Variants in TNRC6C observed in about 807,000 individuals in gnomAD.
TNRC6C encodes trinucleotide repeat containing adaptor 6C.
Under a neutral mutation model 153.7 loss-of-function variants are expected in TNRC6C, and 20 were observed. The ratio of observed to expected loss-of-function variants is 0.13; its 90% CI spans 0.09 to 0.19. The LOEUF (loss-of-function observed/expected upper bound fraction) is 0.19, where lower values mean the gene tolerates loss of function less well. Ranked by LOEUF, TNRC6C falls within the 10% of genes least tolerant of loss-of-function variation. The pLI is 1.00. For synonymous variants in TNRC6C, 811 were observed against 841.4 expected (o/e 0.96, Z 0.63); for missense variants, 1,987 against 2,172.0 (o/e 0.91, Z 1.69).
intron 16 of TNRC6C, among the ~76,000 whole-genome samples, chr17:78,096,145 AG>A (rs1446070659): frequency 1.3e-5 from 2 of 152,216 alleles, no homozygotes; most frequent in African/African-American, 4.8e-5. Flanking sequence ...GACCTTCTTG[AG>A]GGAATTAACA....
At chr17:78,077,306 G>A (rs2073102464) in exon 9 of TNRC6C, 3 of 1,579,728 alleles carry the variant, frequency 1.9e-6, no homozygotes, top group Non-Finnish European at 2.6e-6. Flanking sequence ...TCCGGGCTGG[G>A]CATGCAAAAC....
At position 78,079,604 on chromosome 17, in the gene TNRC6C, C is replaced by T. The variant is rs1334723719; in HGVS notation, c.3357+63C>T. On this transcript the variant is annotated intron_variant, in intron 10 of 19. Transcript: ENST00000301624. This position sits in a 1 kb window ranked among gnomAD's most constrained non-coding sequence, Gnocchi z 4.3. ...ATAGATGCCAGTGTTTCGTGGGGTC[C>T]TGTGTTATCTGGAAGTCACTATTTT... is the stretch of plus-strand genomic sequence containing the variant. 6 of 1,566,576 alleles carry T rather than the reference C, an allele frequency of 3.8e-6. No homozygotes were observed. The highest frequency in any genetic ancestry group is 5.2e-6 in the Non-Finnish European group (6 of 1,148,614).
intron 2 of TNRC6C, among the ~76,000 whole-genome samples, chr17:78,044,257 A>G (rs1326998472): frequency 6.6e-6 from 1 of 152,226 alleles, no homozygotes; most frequent in African/African-American, 2.4e-5. Context: ...TTGCTAGTCA[A>G]CATGGCAACC....
intron 3 of TNRC6C, among the ~76,000 whole-genome samples, chr17:78,062,457 A>T (rs1425141339): frequency 6.6e-6 from 1 of 152,218 alleles, no homozygotes; most frequent in Non-Finnish European, 1.5e-5. Context: ...TGTAAAATTG[A>T]TGGTTAACTA....
intron 1 of TNRC6C, among the ~76,000 whole-genome samples, chr17:77,977,693 A>G (rs1229975688): frequency 2.0e-5 from 3 of 152,130 alleles, no homozygotes; most frequent in Non-Finnish European, 2.9e-5. Context: ...TTTAATATTT[A>G]CTATGTAAAT....
At chr17:77,965,364 T>A (rs937295394) in intron 1 of TNRC6C, among the ~76,000 whole-genome samples, 2 of 152,228 alleles carry the variant, frequency 1.3e-5, no homozygotes, top group Admixed American at 1.3e-4. Flanking sequence ...ATGATCTCAT[T>A]CATTTCTCCT....
chr17:77,970,235 A>C (rs755040129), intron 1 of TNRC6C, among the ~76,000 whole-genome samples: 13 of 152,072 alleles, frequency 8.5e-5, no homozygotes, highest in Non-Finnish European at 1.6e-4. Context: ...TTACTTCTTT[A>C]CATTTTGTTT....
At chr17:78,004,307 T>C (rs1353549593), upstream of TNRC6C, 4 of 1,231,492 alleles carry the variant, frequency 3.2e-6, no homozygotes, top group Middle Eastern at 3.1e-4. Flanking sequence ...CTTTGTATCA[T>C]TGTGTGTCTC....
chr17:77,969,148 A>G (rs1293803516), intron 1 of TNRC6C, among the ~76,000 whole-genome samples: 1 of 152,056 alleles, frequency 6.6e-6, no homozygotes, highest in Non-Finnish European at 1.5e-5. Context: ...ACACTGAGGC[A>G]CTCTGAAGAA....
intron 1 of TNRC6C, among the ~76,000 whole-genome samples, chr17:78,018,889 G>C (rs1004273710): frequency 6.6e-6 from 1 of 152,146 alleles, no homozygotes; most frequent in Non-Finnish European, 1.5e-5. Flanking sequence ...AAAGTTTTAA[G>C]CAGTTACAAG....
chr17:77,980,172 G>A (rs2144101461), intron 1 of TNRC6C, among the ~76,000 whole-genome samples: 1 of 152,326 alleles, frequency 6.6e-6, no homozygotes, highest in South Asian at 2.1e-4. Context: ...CTAAAATAAT[G>A]TGAACTGTGT....
intron 1 of TNRC6C, among the ~76,000 whole-genome samples, chr17:77,980,634 A>G (rs1421494917): frequency 1.3e-5 from 2 of 152,178 alleles, no homozygotes; most frequent in Non-Finnish European, 2.9e-5. Context: ...CACAGGTTGA[A>G]GACTCAGTCT....
chr17:78,020,365 G>C (rs760433118), intron 1 of TNRC6C, among the ~76,000 whole-genome samples: 5 of 152,126 alleles, frequency 3.3e-5, no homozygotes, highest in Non-Finnish European at 5.9e-5. Flanking sequence ...ATTTTTTTCT[G>C]TTTGTAAAAT....
At chr17:77,968,135 C>T (rs905107813) in intron 1 of TNRC6C, among the ~76,000 whole-genome samples, 2 of 152,136 alleles carry the variant, frequency 1.3e-5, no homozygotes, top group Admixed American at 6.5e-5. Flanking sequence ...CAGGTTCAAG[C>T]GATTCTCCTC....
At chr17:78,066,670 A>C (rs2144228485) in intron 4 of TNRC6C, 1 of 152,298 alleles carries the variant, frequency 6.6e-6, no homozygotes, top group African/African-American at 2.4e-5. Context: ...GATACCGAAA[A>C]TCACTTTGTA....
At chr17:78,050,367 A>C in exon 3 of TNRC6C, 1 of 1,612,978 alleles carries the variant, frequency 6.2e-7, no homozygotes, top group Non-Finnish European at 8.5e-7. Context: ...TCCAGTTGCC[A>C]AGGAATGATC....
upstream of TNRC6C, chr17:78,004,387 T>C: frequency 8.8e-7 from 1 of 1,135,204 alleles, no homozygotes; most frequent in Non-Finnish European, 1.1e-6. Flanking sequence ...ATGCCAAGTC[T>C]ATAATTAGCG....
intron 5 of TNRC6C, among the ~76,000 whole-genome samples, chr17:78,069,041 G>C (rs73999621): frequency 0.037 from 5,553 of 152,046 alleles, 237 homozygotes; most frequent in East Asian, 0.18. Flanking sequence ...AAATCTAAAA[G>C]CCATAAAATA....
chr17:78,094,640 A>AT lies in TNRC6C; in HGVS notation c.4306+878dup, dbSNP rs1258284235. ...TTTTTAGTAGAGATGGGGTTTCACC[A>AT]TGTTTGCCAGGCTGATCTCGAACTC... On this transcript the variant is annotated intron_variant, in intron 16 of 19. Transcript: ENST00000301624. Among the ~76,000 whole-genome samples the AT allele has an allele frequency of 5.3e-5, 8 of 152,052 alleles. No homozygotes were observed. In the East Asian group the frequency reaches 1.4e-3, roughly 26 times the overall value.
Sources: allele counts gnomAD v4.1 joint callset (sites outside exome capture counted in the v4.1 genomes callset), GRCh38; gene constraint gnomAD v4.1.1; non-coding constraint Gnocchi (gnomAD v3.1); transcripts MANE v1.5; gene names NCBI Gene and HGNC (gene_info 2026-07-23, HGNC 2026-07-21).